The following AIG1 variants were observed in gnomAD, a reference collection of about 807,000 sequenced individuals.
AIG1 encodes the protein androgen induced 1.
In AIG1, 23 loss-of-function variants were observed where a neutral mutation model predicts 31.4. That is an observed-to-expected ratio of 0.73 (90% confidence interval 0.53 to 1.04). AIG1 has a LOEUF of 1.04. Ranked by LOEUF, AIG1 falls within the 50% of genes least tolerant of loss-of-function variation. The probability of loss-of-function intolerance (pLI) is 0.00; values close to 1 mark genes in which losing one functional copy is unlikely to be tolerated. For missense variants in AIG1, 274 were observed against 295.0 expected (o/e 0.93, Z 0.52); for synonymous variants, 100 against 110.5 (o/e 0.90, Z 0.60).
At chr6:143,081,661 C>T (rs1036237816) in intron 1 of AIG1, among the ~76,000 whole-genome samples, 4 of 151,960 alleles carry the variant, frequency 2.6e-5, no homozygotes, top group African/African-American at 9.7e-5. Context: ...ATGATTTGGC[C>T]ATCTGATGGG....
chr6:143,269,282 A>T (rs997924674), intron 3 of AIG1, among the ~76,000 whole-genome samples: 1 of 152,262 alleles, frequency 6.6e-6, no homozygotes, highest in East Asian at 1.9e-4. Flanking sequence ...TTAAAGGGCA[A>T]GCATGAGAAT....
In AIG1 at chr6:143,314,184, T is replaced by TAAA. The variant is rs35691634; in HGVS notation, c.516-19074_516-19072dup. Among the ~76,000 whole-genome samples the TAAA allele has an allele frequency of 1.5e-3, 135 of 90,610 alleles. 5 individuals are homozygous for TAAA. The highest frequency in any genetic ancestry group is 4.7e-3 in the Admixed American group (31 of 6,638). 59.4% of individuals were successfully genotyped at this position (90,610 alleles called of 152,430 possible). ...GGCAACAAAGCTGGAACCCATCTCTTAAAAAAAAAAAAAAAAAAAAAAAAA... is the reference window on the plus strand; with the variant it reads ...GGCAACAAAGCTGGAACCCATCTCTTAAAAAAAAAAAAAAAAAAAAAAAAAAAA... On this transcript the variant is annotated intron_variant, in intron 4 of 5. Transcript: ENST00000357847.
At chr6:143,111,664 G>A (rs1242451520) in intron 1 of AIG1, among the ~76,000 whole-genome samples, 1 of 152,122 alleles carries the variant, frequency 6.6e-6, no homozygotes, top group East Asian at 1.9e-4. Flanking sequence ...CTCTCCATTT[G>A]AGTGCCCCAG....
Position 143,293,834 on chromosome 6 carries a change from G to A in AIG1, c.515+9609G>A, listed in dbSNP as rs1465252874. Reference sequence around the variant, plus strand: ...CCACTGCTTCTTTTCCCCATAGTCTGCCCAAATCACCAGTGTGATGCTGCT... The same window carrying A: ...CCACTGCTTCTTTTCCCCATAGTCTACCCAAATCACCAGTGTGATGCTGCT... On this transcript the variant is annotated intron_variant, in intron 4 of 5. Coordinates refer to ENST00000357847, the MANE Select transcript of AIG1 (RefSeq NM_016108.4). This position sits in a 1 kb window ranked among gnomAD's most constrained non-coding sequence, Gnocchi z 4.8. Among the ~76,000 whole-genome samples the A allele has an allele frequency of 6.6e-6, 1 of 151,898 alleles. No individual in the cohort carries two copies. Among genetic ancestry groups the A allele is most frequent in the Non-Finnish European group, 1.5e-5 (1 of 67,998 alleles).
At chr6:143,317,672 G>A (rs1775878822) in intron 4 of AIG1, among the ~76,000 whole-genome samples, 1 of 151,424 alleles carries the variant, frequency 6.6e-6, no homozygotes, top group Non-Finnish European at 1.5e-5. Context: ...AGAAATAAAG[G>A]GCATCCAAAT....
chr6:143,296,268 T>A (rs1196609741), intron 4 of AIG1, among the ~76,000 whole-genome samples: 1 of 152,178 alleles, frequency 6.6e-6, no homozygotes, highest in African/African-American at 2.4e-5. Context: ...CCTCACAGAC[T>A]GCGCTCCTTG....
intron 4 of AIG1, among the ~76,000 whole-genome samples, chr6:143,307,914 G>A (rs1799465739): frequency 6.6e-6 from 1 of 152,252 alleles, no homozygotes; most frequent in South Asian, 2.1e-4. Context: ...GCAATGGCGG[G>A]CGCCCCTCCC....
At chr6:143,342,518 T>G (rs974668946), downstream of AIG1, 2 of 808,154 alleles carry the variant, frequency 2.5e-6, no homozygotes, top group South Asian at 1.3e-5. Context: ...TTTATCTTTC[T>G]CCCTATCCTA....
At chr6:143,309,762 C>T (rs568057437) in intron 4 of AIG1, among the ~76,000 whole-genome samples, 2 of 152,084 alleles carry the variant, frequency 1.3e-5, no homozygotes, top group Admixed American at 1.3e-4. Context: ...AAGAAACTCA[C>T]TTTAAACATA....
At chr6:143,269,376 A>G (rs967962975) in intron 3 of AIG1, among the ~76,000 whole-genome samples, 2 of 152,252 alleles carry the variant, frequency 1.3e-5, no homozygotes, top group Non-Finnish European at 2.9e-5. Flanking sequence ...GGGAGGGTCT[A>G]TTGGTACAAT....
intron 3 of AIG1, among the ~76,000 whole-genome samples, chr6:143,260,017 CTTTTTTTTT>C (rs35620148): frequency 1.2e-5 from 1 of 85,118 alleles, no homozygotes. Flanking sequence ...TCTTGTGCTT[CTTTTTTTTT>C]TTTTTTTTTT....
chr6:143,162,701 C>T (rs979639411), intron 2 of AIG1, among the ~76,000 whole-genome samples: 1 of 152,192 alleles, frequency 6.6e-6, no homozygotes, highest in Non-Finnish European at 1.5e-5. Context: ...AAATGTAAAC[C>T]TTTGGTCCTC....
chr6:143,263,120 C>T (rs1203539770), intron 3 of AIG1, among the ~76,000 whole-genome samples: 1 of 152,104 alleles, frequency 6.6e-6, no homozygotes, highest in Non-Finnish European at 1.5e-5. Flanking sequence ...CACCTTTACT[C>T]CCCCCAGTTG....
At chr6:143,170,083 A>G (rs1356627100) in intron 3 of AIG1, among the ~76,000 whole-genome samples, 1 of 152,094 alleles carries the variant, frequency 6.6e-6, no homozygotes, top group African/African-American at 2.4e-5. Flanking sequence ...TTTTGGCATC[A>G]TGGTAATGCT....
At chr6:143,222,264 AC>A (rs896123976) in intron 3 of AIG1, among the ~76,000 whole-genome samples, 1 of 152,040 alleles carries the variant, frequency 6.6e-6, no homozygotes, top group Non-Finnish European at 1.5e-5. Context: ...TCAGGAAAGG[AC>A]CCTCCAGGAC....
At chr6:143,223,040 A>G (rs1295747953) in intron 3 of AIG1, among the ~76,000 whole-genome samples, 1 of 152,262 alleles carries the variant, frequency 6.6e-6, no homozygotes, top group Non-Finnish European at 1.5e-5. Flanking sequence ...TGTTCGAAGC[A>G]GTATCATTGA....
intron 4 of AIG1, among the ~76,000 whole-genome samples, chr6:143,287,737 TAAAAA>T (rs59551903): frequency 3.8e-5 from 3 of 78,042 alleles, no homozygotes; most frequent in Admixed American, 1.6e-4. Context: ...CTGACTACAG[TAAAAA>T]AAAAAAAAAA....
chr6:143,079,296 A>G (rs936572116), intron 1 of AIG1, among the ~76,000 whole-genome samples: 7 of 152,154 alleles, frequency 4.6e-5, no homozygotes, highest in African/African-American at 1.7e-4. Context: ...CTCAGACTGG[A>G]AAGAAGGGGC....
chr6:143,107,304 A>G (rs1780889614), intron 1 of AIG1, among the ~76,000 whole-genome samples: 1 of 152,240 alleles, frequency 6.6e-6, no homozygotes. Context: ...ATATTTTAAT[A>G]TAAAGATACC....
Sources: gnomAD v4.1 joint callset for allele counts (sites outside exome capture counted in the v4.1 genomes callset) on GRCh38, gnomAD v4.1.1 for gene constraint, Gnocchi (gnomAD v3.1) non-coding constraint, MANE v1.5 for transcripts, NCBI Gene and HGNC (gene_info 2026-07-23, HGNC 2026-07-21) for gene names.